TLL2: variants seen among roughly 807,000 people sequenced by gnomAD.
The protein encoded by TLL2 is tolloid like 2.
TLL2 carries 106 observed loss-of-function variants against 123.0 expected under a neutral mutation model. The ratio of observed to expected loss-of-function variants is 0.86; its 90% CI spans 0.74 to 1.01. The LOEUF (loss-of-function observed/expected upper bound fraction) is 1.01. Among genes scored for constraint, TLL2 ranks in the 50% least tolerant of loss-of-function variants. The pLI, the probability that TLL2 is intolerant of heterozygous loss-of-function variation, is 0.00. For synonymous variants in TLL2, 494 were observed against 516.8 expected (o/e 0.96, Z 0.60); for missense variants, 1,332 against 1,336.7 (o/e 1.00, Z 0.06).
intron 2 of TLL2, among the ~76,000 whole-genome samples, chr10:96,457,160 A>T (rs995739603): frequency 1.3e-5 from 2 of 152,082 alleles, no homozygotes; most frequent in Non-Finnish European, 1.5e-5. Flanking sequence ...CTTACTGATG[A>T]TTATTTTTGG....
chr10:96,507,129 C>T (rs893302993), intron 1 of TLL2, among the ~76,000 whole-genome samples: 3 of 152,040 alleles, frequency 2.0e-5, no homozygotes, highest in Non-Finnish European at 4.4e-5. Context: ...CCCCCTTTCC[C>T]AGACTCTGGC....
chr10:96,428,549 T>C (rs1846701304), intron 5 of TLL2, 82 bp downstream of exon 5: 2 of 879,174 alleles, frequency 2.3e-6, no homozygotes, highest in Non-Finnish European at 3.7e-6. Flanking sequence ...TCATTGGAAA[T>C]ACTTAGGTTT....
chr10:96,395,316 C>T lies in TLL2; in HGVS notation c.1597G>A (p.Ala533Thr). Reference sequence around the variant, plus strand: ...TAGCCACAAAAGTGGCCGATCAGGGCACTCTCTTCCGTGGGGCCATCCCGG... The same window carrying T: ...TAGCCACAAAAGTGGCCGATCAGGGTACTCTCTTCCGTGGGGCCATCCCGG... ...EVRDGPTEESALIGHFCGYEK... is the reference protein window; with the variant it reads ...EVRDGPTEESTLIGHFCGYEK... Residue 533 changes from alanine to threonine, a missense_variant, in exon 13 of 21, where the codon GCC becomes ACC. Ala to Thr is a moderately conservative substitution (Grantham distance 58, BLOSUM62 0). Transcript: ENST00000357947. 2 of 1,613,920 alleles carry T rather than the reference C, an allele frequency of 1.2e-6. No individual in the cohort carries two copies. The highest frequency in any genetic ancestry group is 1.7e-6 in the Non-Finnish European group (2 of 1,179,946).
At chr10:96,454,451 C>T (rs1243294883) in intron 2 of TLL2, among the ~76,000 whole-genome samples, 1 of 152,230 alleles carries the variant, frequency 6.6e-6, no homozygotes, top group Non-Finnish European at 1.5e-5. Flanking sequence ...CTCCTCTCCT[C>T]CTGCATGCCT....
intron 16 of TLL2, among the ~76,000 whole-genome samples, chr10:96,382,905 G>A (rs77860022): frequency 0.021 from 3,205 of 152,270 alleles, 126 homozygotes; most frequent in African/African-American, 0.073. Context: ...GGAATAAGAC[G>A]AAGCCAGAGA....
chr10:96,395,144 T>G (rs777631143), intron 13 of TLL2, 43 bp downstream of exon 13: 65 of 1,551,134 alleles, frequency 4.2e-5, no homozygotes, highest in Non-Finnish European at 5.0e-5. Context: ...GGAGCAATAT[T>G]TCTTCTTGTG....
chr10:96,506,440 G>A (rs1223369812), intron 1 of TLL2, among the ~76,000 whole-genome samples: 1 of 151,636 alleles, frequency 6.6e-6, no homozygotes, highest in Non-Finnish European at 1.5e-5. Flanking sequence ...AGTGCCCTGA[G>A]AATGGCTGGA....
At chr10:96,429,797 C>T (rs1249149305) in intron 4 of TLL2, among the ~76,000 whole-genome samples, 5 of 152,184 alleles carry the variant, frequency 3.3e-5, no homozygotes, top group Non-Finnish European at 7.4e-5. Context: ...ATTTTTCTTC[C>T]AGGCCTTTGA....
chr10:96,472,476 G>T (rs1455745075), intron 2 of TLL2, among the ~76,000 whole-genome samples: 1 of 152,150 alleles, frequency 6.6e-6, no homozygotes, highest in South Asian at 2.1e-4. Context: ...GAGCCTCAAA[G>T]TTGGGCTGAG....
intron 17 of TLL2, among the ~76,000 whole-genome samples, chr10:96,378,687 G>A (rs1415815446): frequency 2.6e-5 from 4 of 152,176 alleles, no homozygotes; most frequent in African/African-American, 9.7e-5. Flanking sequence ...GCTAGGGAAC[G>A]GCAGAGCCAG....
chr10:96,453,975 A>C (rs1044213139), intron 2 of TLL2, among the ~76,000 whole-genome samples: 1 of 152,002 alleles, frequency 6.6e-6, no homozygotes, highest in Non-Finnish European at 1.5e-5. Flanking sequence ...ACTAGATTAC[A>C]TCATACACTA....
intron 10 of TLL2, among the ~76,000 whole-genome samples, chr10:96,403,244 C>G (rs1272410782): frequency 6.6e-6 from 1 of 152,134 alleles, no homozygotes; most frequent in African/African-American, 2.4e-5. Flanking sequence ...GCAAGGCTAA[C>G]CTCCCCTGTC....
intron 2 of TLL2, among the ~76,000 whole-genome samples, chr10:96,448,982 T>C (rs1226491574): frequency 6.6e-6 from 1 of 152,120 alleles, no homozygotes; most frequent in Non-Finnish European, 1.5e-5. Flanking sequence ...ACAGGGATAA[T>C]ATGTAGTGAA....
At chr10:96,398,919 T>C (rs1006241798) in intron 10 of TLL2, among the ~76,000 whole-genome samples, 2 of 142,812 alleles carry the variant, frequency 1.4e-5, no homozygotes, top group African/African-American at 5.2e-5. Context: ...TCACCCAGGC[T>C]GGAACACAAT....
chr10:96,385,625 G>A (rs895122481), intron 15 of TLL2, among the ~76,000 whole-genome samples: 8 of 152,132 alleles, frequency 5.3e-5, no homozygotes, highest in Non-Finnish European at 1.2e-4. Context: ...CCAGCTGTAG[G>A]GTGCTGCCTG....
At chr10:96,428,806 C>A (rs1030715102) in intron 4 of TLL2, 58 bp from the exon 5 acceptor site, 2 of 1,080,092 alleles carry the variant, frequency 1.9e-6, no homozygotes, top group Non-Finnish European at 2.7e-6. Context: ...TCTTTAGATG[C>A]TTTTTTTTTT....
At chr10:96,508,681 A>T (rs1847598897) in intron 1 of TLL2, among the ~76,000 whole-genome samples, 1 of 151,626 alleles carries the variant, frequency 6.6e-6, no homozygotes, top group African/African-American at 2.4e-5. Context: ...CCCTCAGCTC[A>T]CCTCTGGGCA....
At chr10:96,397,461 G>T (rs549630100) in intron 10 of TLL2, among the ~76,000 whole-genome samples, 159 bp from the exon 11 acceptor site, 1 of 152,298 alleles carries the variant, frequency 6.6e-6, no homozygotes, top group African/African-American at 2.4e-5. Flanking sequence ...ATCAAAAGAT[G>T]GGATTGGAAG....
chr10:96,432,590 A>C (rs1388418911), intron 4 of TLL2, among the ~76,000 whole-genome samples: 1 of 152,142 alleles, frequency 6.6e-6, no homozygotes, highest in Non-Finnish European at 1.5e-5. Flanking sequence ...ATCGGGGAGC[A>C]AGGTAACCAA....
Sources: allele counts gnomAD v4.1 joint callset (sites outside exome capture counted in the v4.1 genomes callset), GRCh38; gene constraint gnomAD v4.1.1; transcripts MANE v1.5; gene names NCBI Gene and HGNC (gene_info 2026-07-23, HGNC 2026-07-21).